LATS1: variants seen among roughly 807,000 people sequenced by gnomAD.
LATS1 encodes the protein large tumor suppressor kinase 1, also known as serine/threonine-protein kinase LATS1.
Under a neutral mutation model 106.6 loss-of-function variants are expected in LATS1, and 25 were observed. The ratio of observed to expected loss-of-function variants is 0.23; its 90% CI spans 0.17 to 0.33. The LOEUF is 0.33. Ranked by LOEUF, LATS1 falls within the 10% of genes least tolerant of loss-of-function variation. The pLI, the probability that LATS1 is intolerant of heterozygous loss-of-function variation, is 1.00. For missense variants in LATS1, 1,040 were observed against 1,382.6 expected (o/e 0.75, Z 3.93); for synonymous variants, 465 against 455.6 (o/e 1.02, Z -0.26).
At position 149,661,477 on chromosome 6, in the gene LATS1, C is replaced by T. The variant is rs943797732; in HGVS notation, c.*252G>A. On this transcript the variant is annotated 3_prime_UTR_variant, in exon 8 of 8. Transcript: ENST00000543571. ...CTACTTATTTTAAGTACTTTAAGTA[C>T]CAAGAACTGACTATAATATTCAGTT... The T allele has an allele frequency of 2.8e-6, 1 of 358,814 alleles. No individual in the cohort carries two copies. Among genetic ancestry groups the T allele is most frequent in the Non-Finnish European group, 5.0e-6 (1 of 200,962 alleles). 22.2% of individuals were successfully genotyped at this position (358,814 alleles called of 1,614,324 possible). A position where few individuals can be genotyped will look rare whatever the true frequency, so the allele number is the denominator to read the frequency against.
rs763129928 is a variant in LATS1 at position 149,660,799 on chromosome 6, A to C, written c.*930T>G. 7.7e-5 allele frequency: 17 copies of C among 221,176 alleles called. No homozygotes were observed. Among genetic ancestry groups the C allele is most frequent in the Non-Finnish European group, 1.3e-4 (14 of 110,452 alleles). The allele number at this position is 221,176 out of a possible 1,614,324, so 13.7% of individuals were successfully genotyped here. Reference sequence around the variant, plus strand: ...GATAGCCAGATTTTCCTTTGCCAATAACAATCTGTATATGCAGCACTGTTC... The same window carrying C: ...GATAGCCAGATTTTCCTTTGCCAATCACAATCTGTATATGCAGCACTGTTC... On this transcript the variant is annotated 3_prime_UTR_variant, in exon 8 of 8. Transcript: ENST00000543571.
At chr6:149,690,723 G>C (rs1343863656) in intron 3 of LATS1, among the ~76,000 whole-genome samples, 1 of 151,750 alleles carries the variant, frequency 6.6e-6, no homozygotes, top group Non-Finnish European at 1.5e-5. Flanking sequence ...ATTTTTTGTA[G>C]AGCCAGGGTT....
At chr6:149,678,018 CAA>C (rs5880845) in intron 5 of LATS1, among the ~76,000 whole-genome samples, 15 of 126,730 alleles carry the variant, frequency 1.2e-4, no homozygotes, top group Admixed American at 3.1e-4. Context: ...AACTCCGTCT[CAA>C]AAAAAAAAAA....
In LATS1 at chr6:149,693,171, G is replaced by A. The variant is rs556625422; in HGVS notation, c.496+1903C>T. Among the ~76,000 whole-genome samples the A allele has an allele frequency of 1.3e-4, 20 of 152,074 alleles. No homozygotes were observed. In the South Asian group the frequency reaches 3.5e-3, roughly 27 times the overall value. On this transcript the variant is annotated intron_variant, in intron 3 of 7. Transcript: ENST00000543571. The stretch of plus-strand genomic sequence containing the variant: ...CCAGCTACTCTGGAGGCTGACGCTG[G>A]AGAACTGCTTGAACCCGGGAGGCGG...
intron 3 of LATS1, among the ~76,000 whole-genome samples, chr6:149,688,168 C>A (rs1782513009): frequency 6.6e-6 from 1 of 152,146 alleles, no homozygotes; most frequent in African/African-American, 2.4e-5. Flanking sequence ...AGCCACCTTG[C>A]CTAGCCTGGC....
In LATS1 at chr6:149,671,163, C is replaced by T. The variant is rs143911299; in HGVS notation, c.2883+5097G>A. ...GTTTGTTTGTTTTGAGACAGAGTCT[C>T]GCTCTGTCATCCCAGGCTGGAGTGC... On this transcript the variant is annotated intron_variant, in intron 7 of 7. Transcript: ENST00000543571. Among the ~76,000 whole-genome samples the T allele has an allele frequency of 8.2e-4, 125 of 151,918 alleles. 1 individual carries two copies. Among genetic ancestry groups the T allele is most frequent in the African/African-American group, 2.7e-3 (113 of 41,270 alleles).
Position 149,718,079 on chromosome 6 carries a change from T to G in LATS1, c.-371A>C, listed in dbSNP as rs1162420092. 6 of 303,648 alleles carry G rather than the reference T, an allele frequency of 2.0e-5. No individual in the cohort carries two copies. The highest frequency in any genetic ancestry group is 1.4e-4 in the African/African-American group (6 of 41,418). The allele number at this position is 303,648 out of a possible 1,614,324, so 18.8% of individuals were successfully genotyped here. A position where few individuals can be genotyped will look rare whatever the true frequency, so the allele number is the denominator to read the frequency against. ...CGCCGCCATTTTGCCTTCCACTCAG[T>G]GTCGCCGCCGCCGCACTCCGCTGCA... is the stretch of plus-strand genomic sequence containing the variant. On this transcript the variant is annotated 5_prime_UTR_variant, in exon 1 of 8. Transcript: ENST00000543571.
chr6:149,691,132 C>T (rs1367963484), intron 3 of LATS1, among the ~76,000 whole-genome samples: 1 of 152,104 alleles, frequency 6.6e-6, no homozygotes, highest in Non-Finnish European at 1.5e-5. Flanking sequence ...ACCACCAGTA[C>T]CACAAGATGT....
chr6:149,695,051 A>T, intron 3 of LATS1, 23 bp downstream of exon 3: 2 of 1,558,366 alleles, frequency 1.3e-6, no homozygotes, highest in African/African-American at 1.4e-5. Context: ...AGAGATGAGA[A>T]AATAAAATAT....
At chr6:149,709,180 G>A (rs146885585) in intron 1 of LATS1, among the ~76,000 whole-genome samples, 258 of 152,236 alleles carry the variant, frequency 1.7e-3, no homozygotes, top group African/African-American at 5.5e-3. Context: ...GATGGGAAGC[G>A]GAGTTTGGCC....
In LATS1 at chr6:149,661,004, T is replaced by C. The variant is rs1395553142; in HGVS notation, c.*725A>G. On this transcript the variant is annotated 3_prime_UTR_variant, in exon 8 of 8. Coordinates refer to ENST00000543571, the MANE Select transcript of LATS1 (RefSeq NM_004690.4). ...TTAAAATTGGAAGCAGCATCAAAAA[T>C]ACCAATATGGAAAAAAAGCTAGTAG... is the stretch of plus-strand genomic sequence containing the variant. 1 of 209,278 alleles carries C rather than the reference T, an allele frequency of 4.8e-6. No homozygotes were observed. The highest frequency in any genetic ancestry group is 6.1e-5 in the Admixed American group (1 of 16,402). 13.0% of individuals were successfully genotyped at this position (209,278 alleles called of 1,614,324 possible). A position where few individuals can be genotyped will look rare whatever the true frequency, so the allele number is the denominator to read the frequency against.
At chr6:149,702,922 C>T (rs1783546595) in intron 1 of LATS1, among the ~76,000 whole-genome samples, 1 of 151,466 alleles carries the variant, frequency 6.6e-6, no homozygotes, top group South Asian at 2.1e-4. Context: ...ATCCACCCAC[C>T]TCAGCCTCCC....
At chr6:149,698,931 T>A (rs1783277669) in intron 2 of LATS1, among the ~76,000 whole-genome samples, 1 of 152,036 alleles carries the variant, frequency 6.6e-6, no homozygotes, top group African/African-American at 2.4e-5. Flanking sequence ...TAAGCAAAAA[T>A]ATACCCCAGT....
chr6:149,668,126 C>A (rs1781257531), intron 7 of LATS1, among the ~76,000 whole-genome samples: 1 of 152,172 alleles, frequency 6.6e-6, no homozygotes, highest in Non-Finnish European at 1.5e-5. Context: ...AACATGTTGG[C>A]CAGGCTGGTC....
At chr6:149,705,314 C>T (rs536991688) in intron 1 of LATS1, among the ~76,000 whole-genome samples, 4 of 152,158 alleles carry the variant, frequency 2.6e-5, no homozygotes, top group African/African-American at 7.2e-5. Context: ...ACATTTAGCT[C>T]GCCAGTCTAA....
intron 1 of LATS1, among the ~76,000 whole-genome samples, chr6:149,709,840 T>G (rs976966743): frequency 6.6e-6 from 1 of 151,888 alleles, no homozygotes; most frequent in African/African-American, 2.4e-5. Context: ...CATGCCTCGC[T>G]AATTTTTGTA....
intron 3 of LATS1, among the ~76,000 whole-genome samples, chr6:149,690,787 C>T (rs1176143509): frequency 1.3e-5 from 2 of 152,124 alleles, no homozygotes; most frequent in Non-Finnish European, 2.9e-5. Context: ...GATCCTCCTG[C>T]CTCAGTCTCC....
At chr6:149,706,132 G>A (rs913470871) in intron 1 of LATS1, among the ~76,000 whole-genome samples, 1 of 130,694 alleles carries the variant, frequency 7.7e-6, no homozygotes, top group African/African-American at 2.9e-5. Context: ...GTGGTGAGCC[G>A]AGATCGTGCC....
chr6:149,695,174 T>C lies in LATS1; in HGVS notation c.396A>G (p.Glu132=). Residue 132 remains glutamate, a synonymous_variant, in exon 3 of 8, where the codon GAA becomes GAG. Transcript: ENST00000543571. The stretch of plus-strand genomic sequence containing the variant: ...TTTTACTAATGAATTCAATTGCTGC[T>C]TCTATACTTCTGTTGTTAGTTTTCT... ...ALQKTNNRSI[E]AAIEFISKMS... 6.2e-7 allele frequency: 1 copy of C among 1,610,466 alleles called. No homozygotes were observed. The highest frequency in any genetic ancestry group is 8.5e-7 in the Non-Finnish European group (1 of 1,177,000).
Sources: allele counts gnomAD v4.1 joint callset (sites outside exome capture counted in the v4.1 genomes callset), GRCh38; gene constraint gnomAD v4.1.1; transcripts MANE v1.5; gene names NCBI Gene and HGNC (gene_info 2026-07-23, HGNC 2026-07-21).